CPNE3: variants seen among roughly 807,000 people sequenced by gnomAD.
CPNE3 encodes the protein copine 3, also known as copine-3.
CPNE3 carries 68 observed loss-of-function variants against 63.9 expected under a neutral mutation model. That is an observed-to-expected ratio of 1.06 (90% confidence interval 0.87 to 1.30). CPNE3 has a LOEUF of 1.30. Among genes scored for constraint, CPNE3 ranks in the 50% most tolerant of loss-of-function variants. The pLI is 0.00. For synonymous variants in CPNE3, 219 were observed against 197.5 expected, an observed-to-expected ratio of 1.11 and a Z score of -0.91; for missense variants, 665 against 578.1, an observed-to-expected ratio of 1.15 and a Z score of -1.54.
chr8:86,528,576 C>G lies in CPNE3; in HGVS notation c.31C>G (p.Leu11Val). ...TGCCCAGTGTGTCACAAAGGTGGCG[C>G]TGAATGTTTCCTGTGCCAATCTTTT... is the stretch of plus-strand genomic sequence containing the variant. Reference protein sequence around the residue: MAAQCVTKVALNVSCANLLDK... With the variant: MAAQCVTKVAVNVSCANLLDK... Residue 11 changes from leucine (L) to valine (V), a missense_variant, in exon 3 of 17, where the codon CTG becomes GTG. Leu to Val is a conservative substitution (Grantham distance 32). Transcript: ENST00000517490. 6.2e-7 allele frequency: 1 copy of G among 1,614,032 alleles called. No individual in the cohort carries two copies. Among genetic ancestry groups the G allele is most frequent in the Non-Finnish European group, 8.5e-7 (1 of 1,179,982 alleles).
chr8:86,525,335 G>T (rs995275495), intron 2 of CPNE3, among the ~76,000 whole-genome samples: 2 of 152,144 alleles, frequency 1.3e-5, no homozygotes, highest in Non-Finnish European at 2.9e-5. Flanking sequence ...TTAAAAAATT[G>T]TATATCATGT....
chr8:86,547,644 C>G lies in CPNE3; in HGVS notation c.820-67C>G. The G allele has an allele frequency of 6.7e-6, 5 of 750,326 alleles. No individual in the cohort carries two copies. The South Asian group carries it at 7.9e-5, about 12-fold the overall frequency. The allele number at this position is 750,326 out of a possible 1,614,324, so 46.5% of individuals were successfully genotyped here. ...ATTTACAGACTTTTAAAAATATATG[C>G]CAAAGAGTTTTTTGCTTCTCTTGTA... is the stretch of plus-strand genomic sequence containing the variant. On this transcript the variant is annotated intron_variant, in intron 10 of 16. Transcript: ENST00000517490.
chr8:86,546,800 C>T lies in CPNE3; in HGVS notation c.819+119C>T, dbSNP rs1444943134. On this transcript the variant is annotated intron_variant, in intron 10 of 16. Coordinates refer to ENST00000517490, the MANE Select transcript of CPNE3 (RefSeq NM_003909.5). ...GATCTCGGCTCACTGCAACCTCTGC[C>T]TCCTGGGTTCAAGCAATTCTCTGCC... The T allele has an allele frequency of 3.7e-5, 39 of 1,059,274 alleles. 1 individual carries two copies. In the South Asian group the frequency reaches 6.9e-4, roughly 19 times the overall value. The allele number at this position is 1,059,274 out of a possible 1,614,324, so 65.6% of individuals were successfully genotyped here.
intron 2 of CPNE3, among the ~76,000 whole-genome samples, chr8:86,527,946 ATTTTTTT>A (rs869225401): frequency 5.8e-5 from 5 of 85,968 alleles, no homozygotes; most frequent in African/African-American, 1.1e-4. Flanking sequence ...GTAAAAAGAA[ATTTTTTT>A]TTTTTTTTTT....
intron 14 of CPNE3, among the ~76,000 whole-genome samples, chr8:86,552,640 A>T (rs1174607522): frequency 1.3e-5 from 2 of 151,558 alleles, no homozygotes; most frequent in African/African-American, 4.9e-5. Context: ...ATACAGCAAA[A>T]AGCTCAGAGC....
In CPNE3 at chr8:86,559,631, T is replaced by C. The variant is rs1821394323; in HGVS notation, c.*1221T>C. Reference sequence around the variant, plus strand: ...TGCTGCATTAAGATAGGGTGGATTTTATGTGCTTTTTTTTTTTAAGAGTTG... The same window carrying C: ...TGCTGCATTAAGATAGGGTGGATTTCATGTGCTTTTTTTTTTTAAGAGTTG... On this transcript the variant is annotated 3_prime_UTR_variant, in exon 17 of 17. Transcript: ENST00000517490. The C allele has an allele frequency of 6.6e-6, 1 of 152,084 alleles. No individual in the cohort carries two copies. Among genetic ancestry groups the C allele is most frequent in the Non-Finnish European group, 1.5e-5 (1 of 68,016 alleles). 9.4% of individuals were successfully genotyped at this position (152,084 alleles called of 1,614,324 possible). A position where few individuals can be genotyped will look rare whatever the true frequency, so the allele number is the denominator to read the frequency against.
chr8:86,528,866 T>C (rs1362453192), intron 3 of CPNE3, 79 bp from the exon 4 acceptor site: 3 of 1,369,996 alleles, frequency 2.2e-6, no homozygotes, highest in Non-Finnish European at 2.0e-6. Context: ...CCTATGTTTA[T>C]GTTTAGTATA....
In CPNE3 at chr8:86,529,034, A is replaced by G. The variant is rs780346945; in HGVS notation, c.222A>G (p.Lys74=). The change falls in exon 4 of 17, where the codon AAA becomes AAG. Residue 74 remains lysine, a synonymous_variant. Coordinates refer to ENST00000517490, the MANE Select transcript of CPNE3 (RefSeq NM_003909.5). The part of the protein sequence containing the change: ...IIDYYFEVVQ[K]LKFGVYDIDN... ...ATTACTACTTTGAAGTGGTTCAGAA[A>G]TTGAAATTTGGGGTTTATGACATCG... 6.2e-7 allele frequency: 1 copy of G among 1,613,944 alleles called. No homozygotes were observed. Among genetic ancestry groups the G allele is most frequent in the Admixed American group, 1.7e-5 (1 of 60,018 alleles).
At chr8:86,541,815 A>G (rs1311676238) in intron 8 of CPNE3, among the ~76,000 whole-genome samples, 1 of 152,192 alleles carries the variant, frequency 6.6e-6, no homozygotes, top group East Asian at 1.9e-4. Context: ...GGTATTTGAA[A>G]CAGTAGTGAA....
intron 14 of CPNE3, chr8:86,551,610 G>A (rs1378662443): frequency 6.3e-6 from 1 of 159,128 alleles, no homozygotes; most frequent in African/African-American, 2.4e-5. Flanking sequence ...AATAAAATGA[G>A]TAATTTGATA....
chr8:86,551,398 G>T, intron 14 of CPNE3, 164 bp downstream of exon 14: 1 of 606,850 alleles, frequency 1.6e-6, no homozygotes, highest in Non-Finnish European at 2.9e-6. Context: ...TAAGGTAGAA[G>T]AATTGCACCA....
intron 16 of CPNE3, 64 bp downstream of exon 16, chr8:86,556,402 A>C: frequency 1.2e-6 from 1 of 852,440 alleles, no homozygotes; most frequent in Non-Finnish European, 2.1e-6. Context: ...GCCCATCTAC[A>C]ACCAGGCAGT....
At position 86,559,137 on chromosome 8, in the gene CPNE3, G is replaced by T. The variant is rs1821383717; in HGVS notation, c.*727G>T. 1 of 151,976 alleles carries T rather than the reference G, an allele frequency of 6.6e-6. No individual in the cohort carries two copies. Among genetic ancestry groups the T allele is most frequent in the Non-Finnish European group, 1.5e-5 (1 of 68,024 alleles). 9.4% of individuals were successfully genotyped at this position (151,976 alleles called of 1,614,324 possible). A position where few individuals can be genotyped will look rare whatever the true frequency, so the allele number is the denominator to read the frequency against. ...TTTTATTGTGGAAAACTGTAAACAT[G>T]GTCAGATTTGGCTTTTTTTTTCATT... is the stretch of plus-strand genomic sequence containing the variant. On this transcript the variant is annotated 3_prime_UTR_variant, in exon 17 of 17. Transcript: ENST00000517490.
intron 2 of CPNE3, among the ~76,000 whole-genome samples, chr8:86,517,213 A>C (rs1387616347): frequency 6.6e-6 from 1 of 152,250 alleles, no homozygotes; most frequent in East Asian, 1.9e-4. Flanking sequence ...AAAGACATTA[A>C]AATTCATCAG....
chr8:86,558,200 G>C (rs965271132), intron 16 of CPNE3, 88 bp from the exon 17 acceptor site: 2 of 826,750 alleles, frequency 2.4e-6, no homozygotes, highest in Non-Finnish European at 4.2e-6. Context: ...CTTCATTTTA[G>C]TGGCTGCTGA....
intron 2 of CPNE3, among the ~76,000 whole-genome samples, chr8:86,522,855 C>T (rs1047546346): frequency 2.0e-5 from 3 of 152,074 alleles, no homozygotes; most frequent in Non-Finnish European, 4.4e-5. Flanking sequence ...AGATAGGCAC[C>T]GACTTCTCCT....
chr8:86,517,529 C>G (rs1480164600), intron 2 of CPNE3, among the ~76,000 whole-genome samples: 1 of 152,188 alleles, frequency 6.6e-6, no homozygotes, highest in Non-Finnish European at 1.5e-5. Context: ...ACTTACTTAT[C>G]TGTCCACATT....
At chr8:86,533,362 G>A (rs1820726701) in intron 6 of CPNE3, among the ~76,000 whole-genome samples, 1 of 151,988 alleles carries the variant, frequency 6.6e-6, no homozygotes, top group Admixed American at 6.6e-5. Flanking sequence ...GGGCAACATG[G>A]CGAAACCCCA....
intron 14 of CPNE3, among the ~76,000 whole-genome samples, chr8:86,551,956 A>G (rs34214752): frequency 0.017 from 2,567 of 152,328 alleles, 35 homozygotes; most frequent in South Asian, 0.036. Context: ...GTGAGCCACC[A>G]TGCCCAGCCA....
Sources: gnomAD v4.1 joint callset for allele counts (sites outside exome capture counted in the v4.1 genomes callset) on GRCh38, gnomAD v4.1.1 for gene constraint, MANE v1.5 for transcripts, NCBI Gene and HGNC (gene_info 2026-07-23, HGNC 2026-07-21) for gene names.